The following DOCK8 variants were observed in gnomAD, a reference collection of about 807,000 sequenced individuals.
DOCK8 encodes dedicator of cytokinesis protein 8.
Under a neutral mutation model 245.6 loss-of-function variants are expected in DOCK8, and 141 were observed. The ratio of observed to expected loss-of-function variants is 0.57; its 90% CI spans 0.50 to 0.66. The LOEUF (loss-of-function observed/expected upper bound fraction) is 0.66, where lower values mean the gene tolerates loss of function less well. Ranked by LOEUF, DOCK8 falls within the 30% of genes least tolerant of loss-of-function variation. The pLI is 0.00. For synonymous variants in DOCK8, 1,168 were observed against 970.2 expected (o/e 1.20, Z -3.79); for missense variants, 2,965 against 2,603.4 (o/e 1.14, Z -3.02).
At chr9:215,562 G>T (rs1325910318) in intron 1 of DOCK8, 1 of 995,894 alleles carries the variant, frequency 1.0e-6, no homozygotes. Context: ...TGGTGGCATC[G>T]CTATTTTTAT....
intron 1 of DOCK8, among the ~76,000 whole-genome samples, chr9:262,353 A>G (rs950629672): frequency 6.6e-6 from 1 of 151,798 alleles, no homozygotes; most frequent in East Asian, 2.0e-4. Flanking sequence ...GAATGTATCC[A>G]TATAAAGATT....
intron 1 of DOCK8, among the ~76,000 whole-genome samples, chr9:251,359 C>T (rs921851850): frequency 3.3e-5 from 5 of 151,626 alleles, no homozygotes; most frequent in Admixed American, 1.3e-4. Context: ...ATTTGGATGC[C>T]ATTTGGAACG....
At chr9:318,625 G>A (rs889067027) in intron 7 of DOCK8, among the ~76,000 whole-genome samples, 4 of 152,336 alleles carry the variant, frequency 2.6e-5, no homozygotes, top group African/African-American at 7.2e-5. Flanking sequence ...AGGGCCTTTT[G>A]TACGGAGAAA....
In DOCK8 at chr9:372,243, C is replaced by T. The variant is rs754228154; in HGVS notation, c.2066C>T (p.Ala689Val). 3.8e-5 allele frequency: 62 copies of T among 1,614,096 alleles called. No homozygotes were observed. The highest frequency in any genetic ancestry group is 5.2e-5 in the Non-Finnish European group (61 of 1,180,018). Residue 689 changes from alanine (A) to valine (V), a missense_variant, in exon 18 of 48, where the codon GCC (alanine) becomes GTC (valine). Ala to Val is a moderately conservative substitution (Grantham distance 64, BLOSUM62 0). This residue lies in a region of DOCK8 where 2,825 missense variants were observed against 2,453.5 expected (regional missense o/e 1.15). Transcript: ENST00000432829. ...LQTGSYCLPV[A>V]LEKLPPNYSM... is the part of the protein sequence containing the mutation. ...ACTGGATCCTACTGTCTCCCAGTTG[C>T]CTTGGAAAAATTGCCACCCAACTAC...
intron 26 of DOCK8, among the ~76,000 whole-genome samples, chr9:400,006 TCCACC>T (rs2054685388): frequency 1.2e-5 from 1 of 80,468 alleles, no homozygotes. Context: ...CTCCACCACC[TCCACC>T]ATCACCACCA....
At chr9:259,865 C>A (rs1028015282) in intron 1 of DOCK8, among the ~76,000 whole-genome samples, 3 of 152,176 alleles carry the variant, frequency 2.0e-5, no homozygotes, top group Non-Finnish European at 4.4e-5. Flanking sequence ...TCTGTGTTTT[C>A]CTCAAAGATT....
intron 1 of DOCK8, among the ~76,000 whole-genome samples, chr9:248,444 CCCCT>C (rs369675460): frequency 0.01 from 1,512 of 149,762 alleles, 28 homozygotes; most frequent in African/African-American, 0.035. Flanking sequence ...TTCTGTCTTT[CCCCT>C]CCTTCCTTCC....
At chr9:326,152 C>T (rs1044581557) in intron 8 of DOCK8, among the ~76,000 whole-genome samples, 4 of 152,182 alleles carry the variant, frequency 2.6e-5, no homozygotes, top group African/African-American at 9.7e-5. Context: ...TCACAGAGTT[C>T]AGACCTTACC....
intron 4 of DOCK8, among the ~76,000 whole-genome samples, chr9:290,270 T>G (rs961188154): frequency 1.0e-4 from 14 of 138,208 alleles, no homozygotes; most frequent in African/African-American, 3.6e-4. Context: ...CATTATGAGG[T>G]TTTTTTTTTT....
At chr9:244,298 A>G (rs1251438036) in intron 1 of DOCK8, among the ~76,000 whole-genome samples, 3 of 151,932 alleles carry the variant, frequency 2.0e-5, no homozygotes, top group Non-Finnish European at 4.4e-5. Context: ...ACACACGCAC[A>G]CACATATATA....
chr9:349,695 C>A (rs1436527941), intron 14 of DOCK8, among the ~76,000 whole-genome samples: 1 of 152,178 alleles, frequency 6.6e-6, no homozygotes, highest in Non-Finnish European at 1.5e-5. Context: ...AATCAGCTCA[C>A]AGGACACAGA....
In DOCK8 at chr9:376,218, A is replaced by T. The variant is rs765741720; in HGVS notation, c.2118A>T (p.Pro706=). ...TTTTCTCTTTAACACAGAAAGTCCCATTACAGAATCCTCCCATTAAGTGGG... is the reference window on the plus strand; with the variant it reads ...TTTTCTCTTTAACACAGAAAGTCCCTTTACAGAATCCTCCCATTAAGTGGG... ...NYSMHSAEKV[P]LQNPPIKWAE... The change falls in exon 19 of 48, where the codon CCA becomes CCT. Residue 706 remains proline, a synonymous_variant. Transcript: ENST00000432829. 6 of 1,609,740 alleles carry T rather than the reference A, an allele frequency of 3.7e-6. No homozygotes were observed. Among genetic ancestry groups the T allele is most frequent in the Non-Finnish European group, 4.3e-6 (5 of 1,176,166 alleles).
chr9:396,743 C>T (rs754309370), intron 24 of DOCK8, 42 bp from the exon 25 acceptor site: 1 of 1,613,480 alleles, frequency 6.2e-7, no homozygotes, highest in Non-Finnish European at 8.5e-7. Context: ...ACAAGCAGGT[C>T]ACCAATCTCC....
At position 406,392 on chromosome 9, in the gene DOCK8, C is replaced by T. The variant is rs141710202; in HGVS notation, c.3391-538C>T. 3.0e-3 allele frequency among the ~76,000 whole-genome samples: 447 copies of T among 150,328 alleles called. 7 individuals carry two copies. Among genetic ancestry groups the T allele is most frequent in the East Asian group, 9.2e-3 (47 of 5,122 alleles). On this transcript the variant is annotated intron_variant, in intron 27 of 47. Coordinates refer to ENST00000432829, the MANE Select transcript of DOCK8 (RefSeq NM_203447.4). The stretch of plus-strand genomic sequence containing the variant: ...ATCCCAGCTACTTGGGACGCTGAGG[C>T]ATGAGAATTGCTTGAACCCGGGAGA...
intron 1 of DOCK8, among the ~76,000 whole-genome samples, chr9:252,895 A>G (rs2047683786): frequency 6.6e-6 from 1 of 152,062 alleles, no homozygotes; most frequent in Non-Finnish European, 1.5e-5. Context: ...TAAACTACTT[A>G]TTATTGTCCT....
chr9:223,606 C>G (rs930891587), intron 1 of DOCK8, among the ~76,000 whole-genome samples: 1 of 150,958 alleles, frequency 6.6e-6, no homozygotes, highest in Non-Finnish European at 1.5e-5. Flanking sequence ...TAAAAAGAAA[C>G]TTGGTGTTTT....
intron 14 of DOCK8, among the ~76,000 whole-genome samples, chr9:362,214 A>C (rs538517429): frequency 6.6e-6 from 1 of 152,212 alleles, no homozygotes; most frequent in Non-Finnish European, 1.5e-5. Context: ...TTAGCTTACC[A>C]GTACCAGGAA....
intron 2 of DOCK8, among the ~76,000 whole-genome samples, chr9:286,208 A>G (rs1269711672): frequency 1.3e-5 from 2 of 152,194 alleles, no homozygotes; most frequent in African/African-American, 2.4e-5. Flanking sequence ...AGTTGCAATT[A>G]AGGAGAGAAA....
chr9:220,371 T>C (rs1022337477), intron 1 of DOCK8, among the ~76,000 whole-genome samples: 2 of 152,212 alleles, frequency 1.3e-5, no homozygotes, highest in Non-Finnish European at 2.9e-5. Flanking sequence ...TTGATGAAGC[T>C]AATGTTTACT....
Sources: allele counts gnomAD v4.1 joint callset (sites outside exome capture counted in the v4.1 genomes callset), GRCh38; gene constraint gnomAD v4.1.1; regional missense constraint gnomAD v4.1.1; transcripts MANE v1.5; gene names NCBI Gene and HGNC (gene_info 2026-07-23, HGNC 2026-07-21).